Variants in TAAR1 observed in about 807,000 individuals in gnomAD.
The protein encoded by TAAR1 is trace amine associated receptor 1.
A neutral mutation model predicts 1.2 loss-of-function variants in TAAR1; 1 was observed. The ratio of observed to expected loss-of-function variants is 0.81; its 90% CI spans 0.29 to 3.86. TAAR1 has a LOEUF of 3.86. Ranked by LOEUF, TAAR1 falls within the 30% of genes most tolerant of loss-of-function variation. The probability of loss-of-function intolerance (pLI) is 0.18; values close to 1 mark genes in which losing one functional copy is unlikely to be tolerated. For missense variants in TAAR1, 445 were observed against 405.6 expected (o/e 1.10, Z -0.83); for synonymous variants, 153 against 132.2 (o/e 1.16, Z -1.08).
At chr6:132,649,319 T>G (rs918706949) in intron 1 of TAAR1, among the ~76,000 whole-genome samples, 13 of 152,160 alleles carry the variant, frequency 8.5e-5, no homozygotes, top group Non-Finnish European at 1.9e-4. Flanking sequence ...TGCAACCTTG[T>G]CAATGGCGGC....
chr6:132,650,281 C>T (rs1396340645), intron 1 of TAAR1, among the ~76,000 whole-genome samples: 2 of 152,128 alleles, frequency 1.3e-5, no homozygotes, highest in Non-Finnish European at 2.9e-5. Flanking sequence ...TCATGTCTAC[C>T]TCTTTACTCA....
chr6:132,649,371 G>A (rs1260412005), intron 1 of TAAR1, among the ~76,000 whole-genome samples: 1 of 151,958 alleles, frequency 6.6e-6, no homozygotes, highest in African/African-American at 2.4e-5. Context: ...CATATTATAT[G>A]ATCTGGAGAA....
intron 1 of TAAR1, among the ~76,000 whole-genome samples, chr6:132,655,324 A>C: frequency 6.6e-6 from 1 of 151,946 alleles, no homozygotes; most frequent in East Asian, 1.9e-4. Context: ...ATAAAATAGA[A>C]GAGTCTCACA....
chr6:132,653,486 T>G (rs554895592), intron 1 of TAAR1, among the ~76,000 whole-genome samples: 4 of 152,304 alleles, frequency 2.6e-5, no homozygotes, highest in African/African-American at 9.6e-5. Context: ...GTGTGTCTGT[T>G]TAAGTGACAC....
chr6:132,645,518 C>A lies in TAAR1; in HGVS notation c.486G>T (p.Glu162Asp), dbSNP rs769140322. Reference protein sequence around the residue: ...AVFAFGMIFLELNFKGAEEIY... With the variant: ...AVFAFGMIFLDLNFKGAEEIY... ...TCTCTTCAGCGCCTTTGAAGTTTAG[C>A]TCCAGAAAGATCATTCCAAATGCAA... Residue 162 changes from glutamate (E) to aspartate (D), a missense_variant, in exon 2 of 2, where the codon GAG (glutamate) becomes GAT (aspartate). Coordinates refer to ENST00000275216, the MANE Select transcript of TAAR1 (RefSeq NM_138327.4). 2 of 1,613,680 alleles carry A rather than the reference C, an allele frequency of 1.2e-6. No individual in the cohort carries two copies. Among genetic ancestry groups the A allele is most frequent in the East Asian group, 2.2e-5 (1 of 44,872 alleles).
intron 1 of TAAR1, among the ~76,000 whole-genome samples, chr6:132,657,913 TA>T (rs1218392842): frequency 6.6e-6 from 1 of 152,146 alleles, no homozygotes; most frequent in Non-Finnish European, 1.5e-5. Context: ...GTATTGTTTA[TA>T]AATTGAGTTT....
At chr6:132,653,754 T>C (rs1473116950) in intron 1 of TAAR1, among the ~76,000 whole-genome samples, 1 of 152,220 alleles carries the variant, frequency 6.6e-6, no homozygotes, top group Non-Finnish European at 1.5e-5. Flanking sequence ...TGTTTTACGA[T>C]CTCTTATTGA....
chr6:132,655,376 CTTTTTTTTTT>C (rs6149815), intron 1 of TAAR1, among the ~76,000 whole-genome samples: 7 of 133,372 alleles, frequency 5.2e-5, no homozygotes, highest in African/African-American at 1.8e-4. Context: ...TTCATTCATT[CTTTTTTTTTT>C]TTTTTTTTTT....
chr6:132,645,512 G>A lies in TAAR1; in HGVS notation c.492C>T (p.Asn164=). 6.2e-7 allele frequency: 1 copy of A among 1,613,704 alleles called. No individual in the cohort carries two copies. Among genetic ancestry groups the A allele is most frequent in the East Asian group, 2.2e-5 (1 of 44,870 alleles). ...FAFGMIFLEL[N]FKGAEEIYYK... ...AATATATCTCTTCAGCGCCTTTGAA[G>A]TTTAGCTCCAGAAAGATCATTCCAA... The change falls in exon 2 of 2, where the codon AAC becomes AAT. Residue 164 remains asparagine (N), a synonymous_variant. Coordinates refer to ENST00000275216, the MANE Select transcript of TAAR1 (RefSeq NM_138327.4).
At chr6:132,648,377 G>A (rs79588185) in intron 1 of TAAR1, among the ~76,000 whole-genome samples, 2,209 of 152,206 alleles carry the variant, frequency 0.015, 53 homozygotes, top group African/African-American at 0.051. Context: ...TCAAAAAGAA[G>A]TAAGGGAAGG....
At chr6:132,652,232 A>G (rs996038017) in intron 1 of TAAR1, among the ~76,000 whole-genome samples, 2 of 152,044 alleles carry the variant, frequency 1.3e-5, no homozygotes, top group South Asian at 2.1e-4. Flanking sequence ...GTGAAAAACT[A>G]AAAAAGAAGT....
intron 1 of TAAR1, among the ~76,000 whole-genome samples, chr6:132,647,735 A>G (rs1777703614): frequency 6.6e-6 from 1 of 152,064 alleles, no homozygotes; most frequent in South Asian, 2.1e-4. Context: ...CTTGGGGAAG[A>G]GTACAAATTT....
At chr6:132,652,649 A>G (rs994947980) in intron 1 of TAAR1, among the ~76,000 whole-genome samples, 2 of 146,896 alleles carry the variant, frequency 1.4e-5, no homozygotes, top group Non-Finnish European at 3.0e-5. Context: ...AACCAGAGAC[A>G]TACGAGATAA....
At chr6:132,656,854 G>A (rs1777808942) in intron 1 of TAAR1, among the ~76,000 whole-genome samples, 1 of 152,080 alleles carries the variant, frequency 6.6e-6, no homozygotes, top group African/African-American at 2.4e-5. Flanking sequence ...AGTCAAAAGG[G>A]TGATCATATA....
rs1777620342 is a variant in TAAR1, at chr6:132,643,407, T to C, written c.*1577A>G. On this transcript the variant is annotated 3_prime_UTR_variant, in exon 2 of 2. Transcript: ENST00000275216. ...GGTCTCACAGGTGAAAAAAACTCTT[T>C]TGAAACTGAGAGTGATTAGGGACAC... Among the ~76,000 whole-genome samples, 1 of 152,016 alleles carries C rather than the reference T, an allele frequency of 6.6e-6. No homozygotes were observed. Among genetic ancestry groups the C allele is most frequent in the African/African-American group, 2.4e-5 (1 of 41,446 alleles).
chr6:132,648,536 G>A (rs376939480), intron 1 of TAAR1, among the ~76,000 whole-genome samples: 13 of 152,078 alleles, frequency 8.5e-5, no homozygotes, highest in African/African-American at 3.1e-4. Context: ...TGCACATACT[G>A]GTTTAAGAGA....
At chr6:132,650,754 C>G (rs1000422347) in intron 1 of TAAR1, among the ~76,000 whole-genome samples, 1 of 152,142 alleles carries the variant, frequency 6.6e-6, no homozygotes, top group East Asian at 1.9e-4. Flanking sequence ...CAGATGTGCC[C>G]CATACCCATC....
At chr6:132,654,210 T>G (rs976685774) in intron 1 of TAAR1, among the ~76,000 whole-genome samples, 4 of 149,110 alleles carry the variant, frequency 2.7e-5, no homozygotes, top group Non-Finnish European at 6.0e-5. Flanking sequence ...AAGCCCAGCT[T>G]TTAAAAGAGC....
intron 1 of TAAR1, among the ~76,000 whole-genome samples, chr6:132,655,156 G>T (rs1777790754): frequency 6.6e-6 from 1 of 152,032 alleles, no homozygotes. Flanking sequence ...AGGAAAGTAA[G>T]AACTTTAAAT....
Sources: gnomAD v4.1 joint callset for allele counts (sites outside exome capture counted in the v4.1 genomes callset) on GRCh38, gnomAD v4.1.1 for gene constraint, MANE v1.5 for transcripts, NCBI Gene and HGNC (gene_info 2026-07-23, HGNC 2026-07-21) for gene names.